The following GORASP1 variants were observed in gnomAD, a reference collection of about 807,000 sequenced individuals.
The protein encoded by GORASP1 is Golgi reassembly-stacking protein 1.
In GORASP1, 31 loss-of-function variants were observed where a neutral mutation model predicts 37.7. That is an observed-to-expected ratio of 0.82 (90% CI 0.62 to 1.11). GORASP1 has a LOEUF of 1.11. Ranked by LOEUF, GORASP1 falls within the 50% of genes least tolerant of loss-of-function variation. The pLI is 0.00. For missense variants in GORASP1, 476 were observed against 560.7 expected (o/e 0.85, Z 1.53); for synonymous variants, 204 against 224.8 (o/e 0.91, Z 0.83).
rs1024235189 is a variant in GORASP1, at chr3:39,102,598, T to A, written c.348+80A>T. On this transcript the variant is annotated intron_variant, in intron 3 of 8. Transcript: ENST00000319283. This position sits in a 1 kb window ranked among gnomAD's most constrained non-coding sequence, Gnocchi z 5.0. ...CCACTCCACTCCTGCATGTACCCCC[T>A]CACACCCCGCCCACACCCAGACCTG... The A allele has an allele frequency of 7.9e-5, 113 of 1,436,392 alleles. No homozygotes were observed. Among genetic ancestry groups the A allele is most frequent in the Non-Finnish European group, 1.0e-4 (108 of 1,036,506 alleles). 89.0% of individuals were successfully genotyped at this position (1,436,392 alleles called of 1,614,324 possible).
chr3:39,100,853 CGAT>C lies in GORASP1; in HGVS notation c.457_459del (p.Ile153del), dbSNP rs775883670. On this transcript the variant is annotated inframe_deletion, in exon 5 of 9. Transcript: ENST00000319283. The surrounding 1 kb of genome is among the most constrained non-coding windows in gnomAD (Gnocchi z 4.6). ...TTCAAGGGCTTCCCCTCATGAGACT[CGAT>C]GAGCGTAAAGAAGTCCTCGGACTGT... 29 of 1,614,190 alleles carry C rather than the reference CGAT, an allele frequency of 1.8e-5. No individual in the cohort carries two copies. Among genetic ancestry groups the C allele is most frequent in the Admixed American group, 3.3e-5 (2 of 60,020 alleles).
Position 39,100,534 on chromosome 3 carries a change from G to T in GORASP1, c.567-31C>A. On this transcript the variant is annotated intron_variant, in intron 5 of 8. Transcript: ENST00000319283. The surrounding 1 kb of genome is among the most constrained non-coding windows in gnomAD (Gnocchi z 4.6). ...GAAGGCCAGAAACATTCAATCCAGGGGCTTGTCCCACGGCCCTCCCTACCT... is the reference window on the plus strand; with the variant it reads ...GAAGGCCAGAAACATTCAATCCAGGTGCTTGTCCCACGGCCCTCCCTACCT... The T allele has an allele frequency of 6.5e-7, 1 of 1,534,690 alleles. No individual in the cohort carries two copies. The highest frequency in any genetic ancestry group is 8.8e-7 in the Non-Finnish European group (1 of 1,142,570).
In GORASP1 at chr3:39,102,662, C is replaced by T. The variant is rs772938811; in HGVS notation, c.348+16G>A. 1.2e-6 allele frequency: 2 copies of T among 1,613,856 alleles called. No homozygotes were observed. Among genetic ancestry groups the T allele is most frequent in the Admixed American group, 3.3e-5 (2 of 60,016 alleles). On this transcript the variant is annotated intron_variant, in intron 3 of 8. Coordinates refer to ENST00000319283, the MANE Select transcript of GORASP1 (RefSeq NM_031899.4). The surrounding 1 kb of genome is among the most constrained non-coding windows in gnomAD (Gnocchi z 5.0). ...ATCCTTCCGACACACCCTGCCCTGC[C>T]ATACCCCACACTCACCAGCACATGC...
In GORASP1 at chr3:39,098,606, G is replaced by T; in HGVS notation, c.1070-117C>A. The T allele has an allele frequency of 6.7e-7, 1 of 1,498,288 alleles. No individual in the cohort carries two copies. Among genetic ancestry groups the T allele is most frequent in the Non-Finnish European group, 9.0e-7 (1 of 1,107,286 alleles). The allele number at this position is 1,498,288 out of a possible 1,614,324, so 92.8% of individuals were successfully genotyped here. On this transcript the variant is annotated intron_variant, in intron 8 of 8. Transcript: ENST00000319283. The surrounding 1 kb of genome is among the most constrained non-coding windows in gnomAD (Gnocchi z 4.7). Reference sequence around the variant, plus strand: ...ACTCCAGGTTTGATGGGGGATTGGAGATGGAGTGTACAAATGCCTTGGTGT... The same window carrying T: ...ACTCCAGGTTTGATGGGGGATTGGATATGGAGTGTACAAATGCCTTGGTGT...
chr3:39,100,765 GCTGCGTTGGGAGTTACAGTCAC>G lies in GORASP1; in HGVS notation c.526_547del (p.Val176ProfsTer151). On this transcript the variant is annotated frameshift_variant, in exon 5 of 9. Coordinates refer to ENST00000319283, the MANE Select transcript of GORASP1 (RefSeq NM_031899.4). LOFTEE classifies it high-confidence loss of function. The surrounding 1 kb of genome is among the most constrained non-coding windows in gnomAD (Gnocchi z 4.6). ...GAAGTACCTGCCCTCTCCACCCCAG[GCTGCGTTGGGAGTTACAGTCAC>G]CTCCCGGCAGGAGTCTGACTTGGAG... The G allele has an allele frequency of 6.2e-7, 1 of 1,613,922 alleles. No homozygotes were observed. The highest frequency in any genetic ancestry group is 1.1e-5 in the South Asian group (1 of 91,084).
At position 39,098,443 on chromosome 3, in the gene GORASP1, G is replaced by C; in HGVS notation, c.1116C>G (p.Asp372Glu). Reference sequence around the variant, plus strand: ...CCGCCTGGGCTTGGGCACCTGGGCTGTCCAGGAAGGAGACCTCAAACTCTG... The same window carrying C: ...CCGCCTGGGCTTGGGCACCTGGGCTCTCCAGGAAGGAGACCTCAAACTCTG... ...SGSEFEVSFL[D>E]SPGAQAQADH... is the part of the protein sequence containing the mutation. Residue 372 changes from aspartate (D) to glutamate (E), a missense_variant, in exon 9 of 9, where the codon GAC (aspartate) becomes GAG (glutamate). Coordinates refer to ENST00000319283, the MANE Select transcript of GORASP1 (RefSeq NM_031899.4). The surrounding 1 kb of genome is among the most constrained non-coding windows in gnomAD (Gnocchi z 4.7). 6.2e-7 allele frequency: 1 copy of C among 1,614,170 alleles called. No individual in the cohort carries two copies. The highest frequency in any genetic ancestry group is 8.5e-7 in the Non-Finnish European group (1 of 1,180,038).
At chr3:39,106,956 A>G in intron 1 of GORASP1, 2 of 400,412 alleles carry the variant, frequency 5.0e-6, no homozygotes, top group South Asian at 1.7e-5. Context: ...GCTGGTTTGC[A>G]CCGGTCCTCT....
Position 39,100,740 on chromosome 3 carries a change from G to C in GORASP1, c.566+7C>G. ...TGGCCCTGCAGCCCTCCAACCCCAC[G>C]AAGTACCTGCCCTCTCCACCCCAGG... On this transcript the variant is annotated splice_region_variant and intron_variant, in intron 5 of 8. Transcript: ENST00000319283. This position sits in a 1 kb window ranked among gnomAD's most constrained non-coding sequence, Gnocchi z 4.6. 6.2e-7 allele frequency: 1 copy of C among 1,613,030 alleles called. No individual in the cohort carries two copies. The highest frequency in any genetic ancestry group is 8.5e-7 in the Non-Finnish European group (1 of 1,179,896).
In GORASP1 at chr3:39,101,498, A is replaced by T. The variant is rs550549489; in HGVS notation, c.349-396T>A. On this transcript the variant is annotated intron_variant, in intron 3 of 8. Transcript: ENST00000319283. The stretch of plus-strand genomic sequence containing the variant: ...AAAAATAAATAAATATATGAAAAGA[A>T]GAAAAGCACACCTTGGCTACAGGAG... 16 of 463,836 alleles carry T rather than the reference A, an allele frequency of 3.4e-5. No individual in the cohort carries two copies. The East Asian group carries it at 1.1e-3, about 31-fold the overall frequency. 28.7% of individuals were successfully genotyped at this position (463,836 alleles called of 1,614,324 possible).
Position 39,097,938 on chromosome 3 carries a change from A to C in GORASP1, c.*298T>G. On this transcript the variant is annotated 3_prime_UTR_variant, in exon 9 of 9. Coordinates refer to ENST00000319283, the MANE Select transcript of GORASP1 (RefSeq NM_031899.4). ...CTGTGCAGGAAGAATCAAAGCGACC[A>C]GGCCAACACTGGACAGCAACCCCTT... 1 of 399,028 alleles carries C rather than the reference A, an allele frequency of 2.5e-6. No individual in the cohort carries two copies. 24.7% of individuals were successfully genotyped at this position (399,028 alleles called of 1,614,324 possible). A position where few individuals can be genotyped will look rare whatever the true frequency, so the allele number is the denominator to read the frequency against.
intron 1 of GORASP1, 86 bp downstream of exon 1, chr3:39,107,393 A>G (rs2036263692): frequency 1.1e-6 from 1 of 880,514 alleles, no homozygotes; most frequent in Non-Finnish European, 1.5e-6. Context: ...ACCCCGCCGC[A>G]GTCGCCAGCC....
chr3:39,100,568 CCCACCTACTA>C lies in GORASP1; in HGVS notation c.567-75_567-66del. On this transcript the variant is annotated intron_variant, in intron 5 of 8. Coordinates refer to ENST00000319283, the MANE Select transcript of GORASP1 (RefSeq NM_031899.4). This position sits in a 1 kb window ranked among gnomAD's most constrained non-coding sequence, Gnocchi z 4.6. ...CACGGCCCTCCCTACCTTTGCTATC[CCCACCTACTA>C]CCAGCAATAAGGGGGCTGAAAAGGG... The C allele has an allele frequency of 6.7e-7, 1 of 1,496,014 alleles. No homozygotes were observed. The highest frequency in any genetic ancestry group is 9.0e-7 in the Non-Finnish European group (1 of 1,113,564). The allele number at this position is 1,496,014 out of a possible 1,614,324, so 92.7% of individuals were successfully genotyped here. A position where few individuals can be genotyped will look rare whatever the true frequency, so the allele number is the denominator to read the frequency against.
rs905239180 is a variant in GORASP1 at position 39,098,118 on chromosome 3, G to A, written c.*118C>T. On this transcript the variant is annotated 3_prime_UTR_variant, in exon 9 of 9. Transcript: ENST00000319283. This position sits in a 1 kb window ranked among gnomAD's most constrained non-coding sequence, Gnocchi z 4.7. ...CCATGGCCCCCTCTCACCACCCACT[G>A]AGGCCTCATGTCCCACCAAAGCAGC... 11 of 1,237,168 alleles carry A rather than the reference G, an allele frequency of 8.9e-6. No homozygotes were observed. Among genetic ancestry groups the A allele is most frequent in the African/African-American group, 3.0e-5 (2 of 66,628 alleles). The allele number at this position is 1,237,168 out of a possible 1,614,324, so 76.6% of individuals were successfully genotyped here.
At chr3:39,107,031 G>T (rs749931484) in intron 1 of GORASP1, 13 of 457,996 alleles carry the variant, frequency 2.8e-5, no homozygotes, top group South Asian at 2.0e-4. Context: ...CCCCGCAGCT[G>T]CGTCCACTCG....
Position 39,103,268 on chromosome 3 carries a change from C to T in GORASP1, c.144+205G>A, listed in dbSNP as rs891261411. ...CCACCTCCAAGAGGCCATATGTCCT[C>T]TGTCCACCCCACAGAGCTCAGAAGC... On this transcript the variant is annotated intron_variant, in intron 2 of 8. Coordinates refer to ENST00000319283, the MANE Select transcript of GORASP1 (RefSeq NM_031899.4). This position sits in a 1 kb window ranked among gnomAD's most constrained non-coding sequence, Gnocchi z 5.2. 1.7e-6 allele frequency: 1 copy of T among 593,524 alleles called. No homozygotes were observed. 36.8% of individuals were successfully genotyped at this position (593,524 alleles called of 1,614,324 possible). A position where few individuals can be genotyped will look rare whatever the true frequency, so the allele number is the denominator to read the frequency against.
At chr3:39,104,573 A>G (rs1250085812) in intron 1 of GORASP1, among the ~76,000 whole-genome samples, 2 of 152,162 alleles carry the variant, frequency 1.3e-5, no homozygotes, top group African/African-American at 4.8e-5. Context: ...CTGCCTCCTC[A>G]TGGGAAAGGC....
chr3:39,101,712 A>G (rs967273838), intron 3 of GORASP1: 1 of 383,300 alleles, frequency 2.6e-6, no homozygotes, highest in African/African-American at 2.1e-5. Flanking sequence ...CCTTTCCCTC[A>G]TGGGCAGATT....
Position 39,100,242 on chromosome 3 carries a change from G to C in GORASP1, c.765+63C>G, listed in dbSNP as rs1182913209. 1.4e-6 allele frequency: 2 copies of C among 1,454,188 alleles called. No homozygotes were observed. The highest frequency in any genetic ancestry group is 1.9e-6 in the Non-Finnish European group (2 of 1,036,494). The allele number at this position is 1,454,188 out of a possible 1,614,324, so 90.1% of individuals were successfully genotyped here. On this transcript the variant is annotated intron_variant, in intron 6 of 8. Transcript: ENST00000319283. The surrounding 1 kb of genome is among the most constrained non-coding windows in gnomAD (Gnocchi z 4.6). ...AAGGCCCCTGGTGAGGGTTGCTGAT[G>C]GCTCCCCAAGGGCAGCCTCTAGAGT...
chr3:39,099,053 CA>C, intron 7 of GORASP1, 160 bp from the exon 8 acceptor site: 1 of 950,456 alleles, frequency 1.1e-6, no homozygotes, highest in Non-Finnish European at 1.7e-6. Flanking sequence ...GAGGTTCCCA[CA>C]CTGCCTGTTT....
Sources: gnomAD v4.1 joint callset for allele counts (sites outside exome capture counted in the v4.1 genomes callset) on GRCh38, gnomAD v4.1.1 for gene constraint, Gnocchi (gnomAD v3.1) non-coding constraint, MANE v1.5 for transcripts, NCBI Gene and HGNC (gene_info 2026-07-23, HGNC 2026-07-21) for gene names.